The following KCMF1 variants were observed in gnomAD, a reference collection of about 807,000 sequenced individuals.
The protein encoded by KCMF1 is E3 ubiquitin-protein ligase KCMF1.
In KCMF1, 3 loss-of-function variants were observed where a neutral mutation model predicts 41.1. The ratio of observed to expected loss-of-function variants is 0.07; its 90% CI spans 0.03 to 0.19. The LOEUF (loss-of-function observed/expected upper bound fraction) is 0.19, where lower values mean the gene tolerates loss of function less well. Among genes scored for constraint, KCMF1 ranks in the 10% least tolerant of loss-of-function variants. The pLI is 1.00. For missense variants in KCMF1, 286 were observed against 488.9 expected (o/e 0.58, Z 3.91); for synonymous variants, 142 against 164.5 (o/e 0.86, Z 1.04).
At chr2:84,977,601 T>G (rs1442186565) in intron 1 of KCMF1, among the ~76,000 whole-genome samples, 1 of 151,816 alleles carries the variant, frequency 6.6e-6, no homozygotes, top group Non-Finnish European at 1.5e-5. Context: ...TTTTTTCTTT[T>G]TTGTAGAGAC....
intron 1 of KCMF1, among the ~76,000 whole-genome samples, chr2:84,992,852 C>G (rs191039529): frequency 6.6e-6 from 1 of 152,076 alleles, no homozygotes; most frequent in African/African-American, 2.4e-5. Flanking sequence ...GATCTCCTGA[C>G]CTTGTGATCC....
At chr2:85,046,078 C>T (rs370005866) in intron 4 of KCMF1, 26 bp from the exon 5 acceptor site, 17 of 1,575,968 alleles carry the variant, frequency 1.1e-5, no homozygotes, top group African/African-American at 4.1e-5. Flanking sequence ...GAAATACTTT[C>T]GTTTTTTTCT....
chr2:85,009,148 TC>T (rs1420200396), intron 1 of KCMF1, among the ~76,000 whole-genome samples: 3 of 152,124 alleles, frequency 2.0e-5, no homozygotes, highest in African/African-American at 7.2e-5. Flanking sequence ...GGGGCAGACT[TC>T]CCCCTTGCTG....
intron 1 of KCMF1, among the ~76,000 whole-genome samples, chr2:85,008,250 A>G (rs1674522778): frequency 9.6e-6 from 1 of 104,664 alleles, no homozygotes; most frequent in South Asian, 2.7e-4. Context: ...TATATATGAT[A>G]TATATTATAT....
At chr2:84,976,820 A>G (rs1048136194) in intron 1 of KCMF1, among the ~76,000 whole-genome samples, 1 of 152,082 alleles carries the variant, frequency 6.6e-6, no homozygotes, top group Non-Finnish European at 1.5e-5. Context: ...TGTAAAATAC[A>G]AGACTACGTA....
At chr2:85,033,638 C>T (rs537115726) in intron 2 of KCMF1, among the ~76,000 whole-genome samples, 8 of 152,204 alleles carry the variant, frequency 5.3e-5, no homozygotes, top group Admixed American at 4.6e-4. Flanking sequence ...CCTGAGAGAG[C>T]GAGAATTCAC....
intron 1 of KCMF1, among the ~76,000 whole-genome samples, chr2:85,016,838 C>T (rs1291316800): frequency 3.3e-5 from 5 of 151,942 alleles, no homozygotes; most frequent in South Asian, 2.1e-4. Flanking sequence ...TACAGGCACC[C>T]GCCATCACAC....
At position 85,051,431 on chromosome 2, in the gene KCMF1, CT is replaced by C. The variant is rs758695931; in HGVS notation, c.885-1706del. Among the ~76,000 whole-genome samples the C allele has an allele frequency of 1.7e-3, 256 of 147,320 alleles. 1 individual carries two copies. The highest frequency in any genetic ancestry group is 1.8e-3 in the African/African-American group (75 of 40,550). ...TCTTCCTACCCACCCTTGCCCTATCCTTTTTTTTTTTAAGACCCAAACTACT... is the reference window on the plus strand; with the variant it reads ...TCTTCCTACCCACCCTTGCCCTATCCTTTTTTTTTTAAGACCCAAACTACT... On this transcript the variant is annotated intron_variant, in intron 6 of 6. Transcript: ENST00000409785.
rs189921919 is a variant in KCMF1 at position 85,054,220 on chromosome 2, A to G, written c.*811A>G. The G allele has an allele frequency of 3.5e-4, 53 of 152,298 alleles. No individual in the cohort carries two copies. Among genetic ancestry groups the G allele is most frequent in the East Asian group, 1.3e-3 (7 of 5,194 alleles). 9.4% of individuals were successfully genotyped at this position (152,298 alleles called of 1,614,324 possible). On this transcript the variant is annotated 3_prime_UTR_variant, in exon 7 of 7. Coordinates refer to ENST00000409785, the MANE Select transcript of KCMF1 (RefSeq NM_020122.5). ...TTTGTGGTTGTTTAAAATTTTTTCA[A>G]TTGTTAAATATGTTTTATTCAGGTG...
intron 1 of KCMF1, among the ~76,000 whole-genome samples, chr2:85,026,496 T>TTAG (rs550718090): frequency 6.8e-6 from 1 of 147,746 alleles, no homozygotes; most frequent in Non-Finnish European, 1.5e-5. Context: ...ATTATTATTA[T>TTAG]TTTTATTTTT....
chr2:85,013,983 T>G (rs185896455), intron 1 of KCMF1: 3 of 152,236 alleles, frequency 2.0e-5, no homozygotes, highest in Admixed American at 2.0e-4. Context: ...GAGTATATGA[T>G]GGGAAGGCTT....
intron 3 of KCMF1, among the ~76,000 whole-genome samples, chr2:85,037,580 C>G (rs999679969): frequency 2.0e-4 from 30 of 152,228 alleles, no homozygotes; most frequent in African/African-American, 7.0e-4. Context: ...CCTCTCACCC[C>G]TCAATGTTTT....
At chr2:84,991,947 G>T (rs772888436) in intron 1 of KCMF1, among the ~76,000 whole-genome samples, 2 of 152,206 alleles carry the variant, frequency 1.3e-5, no homozygotes, top group Non-Finnish European at 2.9e-5. Flanking sequence ...CAGGCTCAGA[G>T]AGAATTTATT....
intron 6 of KCMF1, 95 bp downstream of exon 6, chr2:85,049,743 T>C (rs17025830): frequency 0.063 from 66,127 of 1,056,354 alleles, 3,701 homozygotes; most frequent in East Asian, 0.32. Context: ...ATTATATTTC[T>C]TTAAAATTTT....
chr2:84,986,734 T>C (rs895350056), intron 1 of KCMF1, among the ~76,000 whole-genome samples: 4 of 149,940 alleles, frequency 2.7e-5, no homozygotes, highest in Non-Finnish European at 4.4e-5. Flanking sequence ...AAAAAAAAAT[T>C]AGCCAGGCGT....
In KCMF1 at chr2:85,056,736, C is replaced by CT. The variant is rs1675941519; in HGVS notation, c.*3328dup. On this transcript the variant is annotated 3_prime_UTR_variant, in exon 7 of 7. Coordinates refer to ENST00000409785, the MANE Select transcript of KCMF1 (RefSeq NM_020122.5). ...TACTGATACAGGCATGTGTAAAAAA[C>CT]TAAGTGTGATGGAGGAATGGGTGCT... is the stretch of plus-strand genomic sequence containing the variant. 1.3e-5 allele frequency: 2 copies of CT among 152,128 alleles called. No individual in the cohort carries two copies. Among genetic ancestry groups the CT allele is most frequent in the Non-Finnish European group, 2.9e-5 (2 of 68,044 alleles). 9.4% of individuals were successfully genotyped at this position (152,128 alleles called of 1,614,324 possible). A position where few individuals can be genotyped will look rare whatever the true frequency, so the allele number is the denominator to read the frequency against.
chr2:85,026,864 C>CT (rs1434150150), intron 1 of KCMF1, among the ~76,000 whole-genome samples: 2 of 152,198 alleles, frequency 1.3e-5, no homozygotes, highest in Admixed American at 1.3e-4. Context: ...GCTGCTCCTG[C>CT]TAGTTCTTTC....
At chr2:85,004,528 A>T (rs547820026) in intron 1 of KCMF1, among the ~76,000 whole-genome samples, 5 of 150,972 alleles carry the variant, frequency 3.3e-5, no homozygotes, top group African/African-American at 9.7e-5. Flanking sequence ...AAATAATAAT[A>T]AAAAAAAAGA....
chr2:85,035,043 C>A lies in KCMF1; in HGVS notation c.212C>A (p.Ser71Tyr). Residue 71 changes from serine to tyrosine, a missense_variant, in exon 3 of 7, where the codon TCT becomes TAT. Ser to Tyr is a moderately radical substitution (Grantham distance 144, BLOSUM62 -2). Transcript: ENST00000409785. ...TTATACTATGGTGGGGAAGCTTTCTCTGTAGAGCAGCCACAGTCTTTTACT... is the reference window on the plus strand; with the variant it reads ...TTATACTATGGTGGGGAAGCTTTCTATGTAGAGCAGCCACAGTCTTTTACT... ...FDLYYGGEAF[S>Y]VEQPQSFTCP... The A allele has an allele frequency of 6.2e-7, 1 of 1,612,888 alleles. No homozygotes were observed. The highest frequency in any genetic ancestry group is 1.1e-5 in the South Asian group (1 of 90,962).
Sources: gnomAD v4.1 joint callset for allele counts (sites outside exome capture counted in the v4.1 genomes callset) on GRCh38, gnomAD v4.1.1 for gene constraint, MANE v1.5 for transcripts, NCBI Gene and HGNC (gene_info 2026-07-23, HGNC 2026-07-21) for gene names.